Variants in PCDHGA4 observed in about 807,000 individuals in gnomAD.
PCDHGA4 encodes the protein protocadherin gamma-A4.
In PCDHGA4, 38 loss-of-function variants were observed where a neutral mutation model predicts 54.6. The ratio of observed to expected loss-of-function variants is 0.70; its 90% CI spans 0.54 to 0.91. PCDHGA4 has a LOEUF of 0.91. PCDHGA4 is among the 40% of genes least tolerant of loss of function. PCDHGA4 has a pLI of 0.00. For missense variants in PCDHGA4, 1,298 were observed against 1,220.9 expected (o/e 1.06, Z -0.94); for synonymous variants, 511 against 512.9 (o/e 1.00, Z 0.05).
chr5:141,388,335 C>A (rs67622091), intron 1 of PCDHGA4: 89,774 of 1,613,756 alleles, frequency 0.056, 3,043 homozygotes, highest in African/African-American at 0.15. Context: ...GCCTGGCACA[C>A]GATTTATATT....
intron 1 of PCDHGA4, among the ~76,000 whole-genome samples, chr5:141,492,165 C>T (rs932762928): frequency 1.4e-4 from 22 of 152,210 alleles, no homozygotes; most frequent in African/African-American, 4.8e-4. Context: ...TCCCTATCCC[C>T]GCATCACCCA....
chr5:141,441,517 G>A (rs1316654534), intron 1 of PCDHGA4: 1 of 172,138 alleles, frequency 5.8e-6, no homozygotes, highest in South Asian at 1.3e-4. Flanking sequence ...CGTCGTCCAC[G>A]TGGCCAAGAA....
intron 1 of PCDHGA4, chr5:141,478,812 A>C: frequency 1.4e-6 from 2 of 1,453,554 alleles, no homozygotes; most frequent in Non-Finnish European, 1.8e-6. Context: ...TTGCTATCAC[A>C]ACTAACCAAT....
chr5:141,421,885 G>A (rs2096608692), intron 1 of PCDHGA4: 1 of 1,613,574 alleles, frequency 6.2e-7, no homozygotes, highest in African/African-American at 1.3e-5. Context: ...AGATGGAGGC[G>A]ATCCCATCCG....
At chr5:141,380,349 GT>G (rs1776403876) in intron 1 of PCDHGA4, among the ~76,000 whole-genome samples, 1 of 152,006 alleles carries the variant, frequency 6.6e-6, no homozygotes, top group South Asian at 2.1e-4. Flanking sequence ...CTGTTTTGTT[GT>G]TTGTTTTTTA....
chr5:141,490,730 A>C lies in PCDHGA4; in HGVS notation c.2515-4077A>C. On this transcript the variant is annotated intron_variant, in intron 1 of 3. Coordinates refer to ENST00000571252, the MANE Select transcript of PCDHGA4 (RefSeq NM_018917.4). This position sits in a 1 kb window ranked among gnomAD's most constrained non-coding sequence, Gnocchi z 5.4. ...CTCACCTACTCCATTGTAGGAAATC[A>C]GGTTCAGGGAGCCCCAGCCTCCTCC... 6.2e-7 allele frequency: 1 copy of C among 1,614,188 alleles called. No homozygotes were observed. Among genetic ancestry groups the C allele is most frequent in the Non-Finnish European group, 8.5e-7 (1 of 1,180,024 alleles).
chr5:141,430,926 C>T, intron 1 of PCDHGA4: 1 of 1,607,426 alleles, frequency 6.2e-7, no homozygotes, highest in Non-Finnish European at 8.5e-7. Flanking sequence ...GGGCTGGAGC[C>T]CCGGGAGCTC....
intron 1 of PCDHGA4, chr5:141,371,955 GA>G: frequency 6.2e-7 from 1 of 1,613,258 alleles, no homozygotes; most frequent in Non-Finnish European, 8.5e-7. Flanking sequence ...GCGAGCCTTC[GA>G]CCACGAGCAG....
rs751243167 is a variant in PCDHGA4, at chr5:141,361,306, A to G, written c.2514+3685A>G. 2.5e-6 allele frequency: 4 copies of G among 1,613,858 alleles called. No homozygotes were observed. In the Admixed American group the frequency reaches 6.7e-5, roughly 27 times the overall value. ...TTACTGCCAAGTGTTGGGAAATGCC[A>G]AGTTTATTTTGAAATCTTCCTCAAA... On this transcript the variant is annotated intron_variant, in intron 1 of 3. Coordinates refer to ENST00000571252, the MANE Select transcript of PCDHGA4 (RefSeq NM_018917.4).
chr5:141,401,235 A>G (rs1444346000), intron 1 of PCDHGA4, among the ~76,000 whole-genome samples: 1 of 152,120 alleles, frequency 6.6e-6, no homozygotes, highest in East Asian at 1.9e-4. Context: ...CCAGCTACTC[A>G]GGAGGCTAAG....
At chr5:141,361,165 G>A (rs764593303) in intron 1 of PCDHGA4, 7 of 1,613,830 alleles carry the variant, frequency 4.3e-6, no homozygotes, top group Non-Finnish European at 5.9e-6. Flanking sequence ...CAACGATTGT[G>A]CACCTGAAGT....
At chr5:141,394,250 C>T (rs749533197) in intron 1 of PCDHGA4, 15 of 1,613,784 alleles carry the variant, frequency 9.3e-6, no homozygotes, top group Non-Finnish European at 1.0e-5. Flanking sequence ...CACACGACCC[C>T]GACAGCCAGG....
At chr5:141,386,438 G>A (rs79313044) in intron 1 of PCDHGA4, among the ~76,000 whole-genome samples, 2,560 of 152,240 alleles carry the variant, frequency 0.017, 31 homozygotes, top group South Asian at 0.037. Context: ...CTGCATGGGA[G>A]GCTGAGGCAA....
intron 1 of PCDHGA4, chr5:141,399,892 G>T: frequency 1.2e-6 from 2 of 1,612,554 alleles, no homozygotes; most frequent in Non-Finnish European, 1.7e-6. Flanking sequence ...CAAGGTAGTG[G>T]CCGTGGACGC....
In PCDHGA4 at chr5:141,485,985, T is replaced by C. The variant is rs748867624; in HGVS notation, c.2515-8822T>C. 5.6e-6 allele frequency: 9 copies of C among 1,614,086 alleles called. No homozygotes were observed. Among genetic ancestry groups the C allele is most frequent in the South Asian group, 5.5e-5 (5 of 91,094 alleles). On this transcript the variant is annotated intron_variant, in intron 1 of 3. Coordinates refer to ENST00000571252, the MANE Select transcript of PCDHGA4 (RefSeq NM_018917.4). The surrounding 1 kb of genome is among the most constrained non-coding windows in gnomAD (Gnocchi z 5.7). ...CAGCTCAATGCCTCAGACCCGGACC[T>C]GGGTCCCAGTGGTAACGTCACCTTT...
chr5:141,468,809 T>A (rs1473677700), intron 1 of PCDHGA4, among the ~76,000 whole-genome samples: 1 of 151,850 alleles, frequency 6.6e-6, no homozygotes, highest in Admixed American at 6.6e-5. Flanking sequence ...GAACTTGCAG[T>A]GAGCCAAGAT....
Position 141,487,522 on chromosome 5 carries a change from T to G in PCDHGA4, c.2515-7285T>G, listed in dbSNP as rs764726787. Reference sequence around the variant, plus strand: ...TGGCTTCTGCACCCACTCGGAGTGATAGCTTCATGATGGTGAAGTCACCCA... The same window carrying G: ...TGGCTTCTGCACCCACTCGGAGTGAGAGCTTCATGATGGTGAAGTCACCCA... On this transcript the variant is annotated intron_variant, in intron 1 of 3. Transcript: ENST00000571252. This position sits in a 1 kb window ranked among gnomAD's most constrained non-coding sequence, Gnocchi z 5.0. The G allele has an allele frequency of 6.2e-7, 1 of 1,614,166 alleles. No individual in the cohort carries two copies. The highest frequency in any genetic ancestry group is 8.5e-7 in the Non-Finnish European group (1 of 1,180,022).
At chr5:141,448,692 G>A (rs913533738) in intron 1 of PCDHGA4, among the ~76,000 whole-genome samples, 6 of 152,072 alleles carry the variant, frequency 3.9e-5, no homozygotes, top group African/African-American at 9.7e-5. Context: ...TGTAATCGCA[G>A]CACTTTGGGA....
At chr5:141,365,191 A>C (rs1263019810) in intron 1 of PCDHGA4, 1 of 1,613,908 alleles carries the variant, frequency 6.2e-7, no homozygotes, top group Admixed American at 1.7e-5. Flanking sequence ...AAGAAGAAAA[A>C]ATTTCGGAGA....
Sources: allele counts gnomAD v4.1 joint callset (sites outside exome capture counted in the v4.1 genomes callset), GRCh38; gene constraint gnomAD v4.1.1; non-coding constraint Gnocchi (gnomAD v3.1); transcripts MANE v1.5; gene names NCBI Gene and HGNC (gene_info 2026-07-23, HGNC 2026-07-21).